INPP4A: variants seen among roughly 807,000 people sequenced by gnomAD.
INPP4A encodes the protein inositol polyphosphate-4-phosphatase type I A.
Under a neutral mutation model 119.8 loss-of-function variants are expected in INPP4A, and 33 were observed. The observed-to-expected ratio is 0.28, with a 90% CI of 0.21 to 0.37. The LOEUF is 0.37. Among genes scored for constraint, INPP4A ranks in the 10% least tolerant of loss-of-function variants. The probability of loss-of-function intolerance (pLI) is 1.00; values close to 1 mark genes in which losing one functional copy is unlikely to be tolerated. For synonymous variants in INPP4A, 496 were observed against 500.7 expected, an observed-to-expected ratio of 0.99 and a Z score of 0.12; for missense variants, 956 against 1,289.9, an observed-to-expected ratio of 0.74 and a Z score of 3.97.
chr2:98,538,414 C>G lies in INPP4A; in HGVS notation c.579+440C>G, dbSNP rs766683036. ...ACCTTTTCACATCCTCCCCTCTTCCCTGGTCCTCCTCCCCCTCTCTAGCTA... is the reference window on the plus strand; with the variant it reads ...ACCTTTTCACATCCTCCCCTCTTCCGTGGTCCTCCTCCCCCTCTCTAGCTA... On this transcript the variant is annotated intron_variant, in intron 8 of 24. Coordinates refer to ENST00000409851, the MANE Select transcript of INPP4A (RefSeq NM_001134225.2). Among the ~76,000 whole-genome samples the G allele has an allele frequency of 6.6e-4, 100 of 152,322 alleles. No individual in the cohort carries two copies. The Middle Eastern group carries it at 0.027, about 41-fold the overall frequency.
chr2:98,564,773 C>A lies in INPP4A; in HGVS notation c.2152+10C>A, dbSNP rs575035844. ...CTGCTGAGCACCTACGGTGAGGCGC[C>A]CGGGCCAGGATCGGGAGCCCCACTT... On this transcript the variant is annotated intron_variant, in intron 19 of 24. Coordinates refer to ENST00000409851, the MANE Select transcript of INPP4A (RefSeq NM_001134225.2). 13 of 1,574,052 alleles carry A rather than the reference C, an allele frequency of 8.3e-6. No individual in the cohort carries two copies. The African/African-American group carries it at 1.6e-4, about 20-fold the overall frequency.
In INPP4A at chr2:98,591,067, G is replaced by A; in HGVS notation, c.*3459G>A. ...ACACTTTTTAACCTATTTGTCAGCT[G>A]TCTTTTGGTCTGTGGTAGGAGTTAT... On this transcript the variant is annotated 3_prime_UTR_variant, in exon 25 of 25. Coordinates refer to ENST00000409851, the MANE Select transcript of INPP4A (RefSeq NM_001134225.2). 1 of 212,194 alleles carries A rather than the reference G, an allele frequency of 4.7e-6. No individual in the cohort carries two copies. The highest frequency in any genetic ancestry group is 9.5e-6 in the Non-Finnish European group (1 of 104,928). The allele number at this position is 212,194 out of a possible 1,614,324, so 13.1% of individuals were successfully genotyped here. A position where few individuals can be genotyped will look rare whatever the true frequency, so the allele number is the denominator to read the frequency against.
chr2:98,483,506 T>G (rs1678902199), intron 1 of INPP4A, among the ~76,000 whole-genome samples: 2 of 152,128 alleles, frequency 1.3e-5, no homozygotes, highest in Admixed American at 1.3e-4. Flanking sequence ...CCCCCCGGTC[T>G]TGTCTTTCTA....
At chr2:98,580,976 T>G (rs1699212806) in intron 24 of INPP4A, among the ~76,000 whole-genome samples, 1 of 152,240 alleles carries the variant, frequency 6.6e-6, no homozygotes, top group Non-Finnish European at 1.5e-5. Context: ...CAGCAGTCGC[T>G]CATGCCTGCC....
At chr2:98,461,839 A>G (rs921308754) in intron 1 of INPP4A, among the ~76,000 whole-genome samples, 1 of 152,206 alleles carries the variant, frequency 6.6e-6, no homozygotes, top group African/African-American at 2.4e-5. Context: ...GTCCAGCTGC[A>G]TGCTGGCCTG....
intron 13 of INPP4A, 58 bp from the exon 14 acceptor site, chr2:98,552,728 G>A: frequency 7.3e-7 from 1 of 1,364,334 alleles, no homozygotes; most frequent in Non-Finnish European, 1.0e-6. Flanking sequence ...TTGGAATGAT[G>A]CTGTCATCCT....
At chr2:98,553,358 A>T (rs1321448767) in intron 14 of INPP4A, among the ~76,000 whole-genome samples, 1 of 7,452 alleles carries the variant, frequency 1.3e-4, no homozygotes, top group Non-Finnish European at 2.0e-4. Context: ...GCTATTATAC[A>T]GACATAAGAA....
chr2:98,584,645 C>T (rs1003095412), intron 24 of INPP4A, among the ~76,000 whole-genome samples: 2 of 152,230 alleles, frequency 1.3e-5, no homozygotes, highest in East Asian at 1.9e-4. Flanking sequence ...CCAAAGGGAG[C>T]GAGATAAGGT....
At chr2:98,455,150 C>T (rs1486145625) in intron 1 of INPP4A, among the ~76,000 whole-genome samples, 4 of 152,016 alleles carry the variant, frequency 2.6e-5, no homozygotes, top group African/African-American at 4.8e-5. Context: ...CCGGCCTGAG[C>T]AACAAAGCAA....
chr2:98,503,012 C>T (rs1040012857), intron 1 of INPP4A, among the ~76,000 whole-genome samples: 3 of 152,138 alleles, frequency 2.0e-5, no homozygotes, highest in Non-Finnish European at 4.4e-5. Context: ...ACCTTTAGAA[C>T]CCCTGGAGAC....
chr2:98,572,961 C>G (rs759628751), intron 23 of INPP4A, 34 bp downstream of exon 23: 5 of 1,434,894 alleles, frequency 3.5e-6, no homozygotes, highest in Non-Finnish European at 4.8e-6. Context: ...GAGGCTATTG[C>G]GGTGCCCACA....
intron 10 of INPP4A, among the ~76,000 whole-genome samples, chr2:98,541,673 C>G (rs1336301683): frequency 6.6e-6 from 1 of 152,228 alleles, no homozygotes; most frequent in Non-Finnish European, 1.5e-5. Flanking sequence ...CCTGAAACTC[C>G]TGGGCTCAAG....
intron 1 of INPP4A, among the ~76,000 whole-genome samples, chr2:98,468,646 C>T (rs558381730): frequency 4.6e-5 from 7 of 152,296 alleles, no homozygotes; most frequent in South Asian, 4.1e-4. Context: ...TGGTGGGTCG[C>T]ATTTCTCATT....
At chr2:98,556,567 A>G (rs1694527725) in intron 16 of INPP4A, among the ~76,000 whole-genome samples, 1 of 152,246 alleles carries the variant, frequency 6.6e-6, no homozygotes. Context: ...CAAGCTAGGC[A>G]GCTGAGACTT....
At chr2:98,559,524 T>C in intron 17 of INPP4A, 29 bp downstream of exon 17, 1 of 1,610,136 alleles carries the variant, frequency 6.2e-7, no homozygotes, top group Non-Finnish European at 8.5e-7. Flanking sequence ...AGGCTCCTGC[T>C]GATGCCCTTT....
At chr2:98,495,086 A>G (rs1013835029) in intron 1 of INPP4A, among the ~76,000 whole-genome samples, 1 of 152,168 alleles carries the variant, frequency 6.6e-6, no homozygotes, top group African/African-American at 2.4e-5. Flanking sequence ...GCAAACAAAA[A>G]CAAGCCCTGG....
At chr2:98,562,051 G>A (rs780212837) in intron 17 of INPP4A, among the ~76,000 whole-genome samples, 3 of 152,242 alleles carry the variant, frequency 2.0e-5, no homozygotes, top group Non-Finnish European at 2.9e-5. Context: ...GGCCTTGCCT[G>A]TGGTCACCTC....
intron 1 of INPP4A, among the ~76,000 whole-genome samples, chr2:98,509,243 G>C (rs1294869957): frequency 6.6e-6 from 1 of 152,196 alleles, no homozygotes; most frequent in Non-Finnish European, 1.5e-5. Context: ...GACCAGTACT[G>C]GCCTGTGGCC....
At chr2:98,468,385 C>T (rs1675228779) in intron 1 of INPP4A, among the ~76,000 whole-genome samples, 1 of 152,128 alleles carries the variant, frequency 6.6e-6, no homozygotes, top group South Asian at 2.1e-4. Context: ...ACAGAAATGC[C>T]TTACCATGCC....
Sources: gnomAD v4.1 joint callset for allele counts (sites outside exome capture counted in the v4.1 genomes callset) on GRCh38, gnomAD v4.1.1 for gene constraint, MANE v1.5 for transcripts, NCBI Gene and HGNC (gene_info 2026-07-23, HGNC 2026-07-21) for gene names.